Variants in FGF2 observed in about 807,000 individuals in gnomAD.
FGF2 encodes the protein fibroblast growth factor 2.
A neutral mutation model predicts 15.9 loss-of-function variants in FGF2; 13 were observed. The observed-to-expected ratio is 0.82, with a 90% CI of 0.53 to 1.30. FGF2 has a LOEUF of 1.30. Ranked by LOEUF, FGF2 falls within the 50% of genes most tolerant of loss-of-function variation. FGF2 has a pLI of 0.00. For synonymous variants in FGF2, 90 were observed against 78.4 expected (o/e 1.15, Z -0.78); for missense variants, 163 against 196.9 (o/e 0.83, Z 1.03).
At chr4:122,850,289 A>G (rs1239243026) in intron 1 of FGF2, among the ~76,000 whole-genome samples, 1 of 152,030 alleles carries the variant, frequency 6.6e-6, no homozygotes, top group Non-Finnish European at 1.5e-5. Context: ...AAAAAGATAC[A>G]GTAAAAGTTG....
chr4:122,826,826 C>A, upstream of FGF2: 3 of 1,464,546 alleles, frequency 2.0e-6, no homozygotes, highest in Non-Finnish European at 9.1e-7. Context: ...CGCGGCCCGG[C>A]GGGTGCCAGA....
intron 2 of FGF2, chr4:122,882,445 GTTGATTCTGT>G (rs1203996992): frequency 6.6e-6 from 1 of 152,178 alleles, no homozygotes; most frequent in Non-Finnish European, 1.5e-5. Context: ...TTCCCAAACT[GTTGATTCTGT>G]ACCATCAGAA....
At chr4:122,834,887 T>A (rs1417488056) in intron 1 of FGF2, among the ~76,000 whole-genome samples, 1 of 152,166 alleles carries the variant, frequency 6.6e-6, no homozygotes, top group Non-Finnish European at 1.5e-5. Flanking sequence ...AGATTGCCAC[T>A]AGTGCACCAA....
At chr4:122,830,889 G>T (rs890216419) in intron 1 of FGF2, among the ~76,000 whole-genome samples, 1 of 150,780 alleles carries the variant, frequency 6.6e-6, no homozygotes, top group African/African-American at 2.4e-5. Context: ...CTCCCAGGAG[G>T]TGACTGCCTG....
rs1339043418 is a variant in FGF2 at position 122,893,064 on chromosome 4, A to C, written c.*668A>C. Reference sequence around the variant, plus strand: ...TCACATCTTAAGCATTCTTCCTGGCAAAAATTTATGGTGAATGAATATGGC... The same window carrying C: ...TCACATCTTAAGCATTCTTCCTGGCCAAAATTTATGGTGAATGAATATGGC... On this transcript the variant is annotated 3_prime_UTR_variant, in exon 3 of 3. Transcript: ENST00000644866. The C allele has an allele frequency of 6.2e-7, 1 of 1,614,152 alleles. No homozygotes were observed. The highest frequency in any genetic ancestry group is 1.1e-5 in the South Asian group (1 of 91,086).
intron 1 of FGF2, among the ~76,000 whole-genome samples, chr4:122,835,715 G>A (rs893419348): frequency 6.6e-6 from 1 of 151,916 alleles, no homozygotes; most frequent in Admixed American, 6.6e-5. Context: ...TTGATTTAAT[G>A]ACCTCTACTC....
Position 122,893,252 on chromosome 4 carries a change from CAAT to C in FGF2, c.*863_*865del, listed in dbSNP as rs1727245494. The C allele has an allele frequency of 2.6e-6, 4 of 1,551,420 alleles. No homozygotes were observed. The highest frequency in any genetic ancestry group is 3.5e-6 in the Non-Finnish European group (4 of 1,150,824). The stretch of plus-strand genomic sequence containing the variant: ...TACGTAAAAAAAGAGATGTACAAAT[CAAT>C]AATAATTACACTTTTAGAAACTGTA... On this transcript the variant is annotated 3_prime_UTR_variant, in exon 3 of 3. Transcript: ENST00000644866.
intron 1 of FGF2, among the ~76,000 whole-genome samples, chr4:122,856,944 G>A (rs1048055829): frequency 2.0e-5 from 3 of 152,116 alleles, no homozygotes; most frequent in Non-Finnish European, 4.4e-5. Flanking sequence ...CCAACAGCTG[G>A]CCCCTGAGAA....
At position 122,892,552 on chromosome 4, in the gene FGF2, C is replaced by T; in HGVS notation, c.*156C>T. ...GTAGTAAAATATGTAACCATTGTCC[C>T]AGTAAAGAAAAATAACAAAAGTTGT... On this transcript the variant is annotated 3_prime_UTR_variant, in exon 3 of 3. Coordinates refer to ENST00000644866, the MANE Select transcript of FGF2 (RefSeq NM_001361665.2). The T allele has an allele frequency of 3.4e-6, 5 of 1,464,862 alleles. No individual in the cohort carries two copies. The highest frequency in any genetic ancestry group is 4.5e-6 in the Non-Finnish European group (5 of 1,112,496). 90.7% of individuals were successfully genotyped at this position (1,464,862 alleles called of 1,614,324 possible). A position where few individuals can be genotyped will look rare whatever the true frequency, so the allele number is the denominator to read the frequency against.
chr4:122,831,980 C>T (rs1725774165), intron 1 of FGF2, among the ~76,000 whole-genome samples: 1 of 152,172 alleles, frequency 6.6e-6, no homozygotes, highest in Admixed American at 6.5e-5. Flanking sequence ...TACACTGATT[C>T]TGAGAACTCA....
intron 1 of FGF2, among the ~76,000 whole-genome samples, chr4:122,831,866 A>G (rs1232486794): frequency 1.3e-5 from 2 of 152,252 alleles, no homozygotes; most frequent in Non-Finnish European, 2.9e-5. Context: ...GTGGAAGGAC[A>G]TAATTTTAAA....
chr4:122,897,486 G>C lies in FGF2; in HGVS notation c.*5090G>C, dbSNP rs1004560832. On this transcript the variant is annotated 3_prime_UTR_variant, in exon 3 of 3. Coordinates refer to ENST00000644866, the MANE Select transcript of FGF2 (RefSeq NM_001361665.2). ...ATGCTGCTAATTATATCAGCTCTGA[G>C]GTAATTTCTGAAATGTTCAGACTCA... 1.5e-6 allele frequency: 1 copy of C among 678,328 alleles called. No individual in the cohort carries two copies. The highest frequency in any genetic ancestry group is 2.7e-6 in the Non-Finnish European group (1 of 376,358). The allele number at this position is 678,328 out of a possible 1,614,324, so 42.0% of individuals were successfully genotyped here.
rs1349331463 is a variant in FGF2 at position 122,826,982 on chromosome 4, G to C, written c.-193G>C. ...GCTCGCCGCGCACCAGGGGCCGGCG[G>C]ACAGAAGAGCGGCCGAGCGGCTCGA... On this transcript the variant is annotated 5_prime_UTR_variant, in exon 1 of 3. Transcript: ENST00000644866. 1 of 1,295,256 alleles carries C rather than the reference G, an allele frequency of 7.7e-7. No individual in the cohort carries two copies. Among genetic ancestry groups the C allele is most frequent in the Non-Finnish European group, 9.8e-7 (1 of 1,020,584 alleles). 80.2% of individuals were successfully genotyped at this position (1,295,256 alleles called of 1,614,324 possible).
chr4:122,828,561 A>T (rs1372172607), intron 1 of FGF2, among the ~76,000 whole-genome samples: 1 of 152,146 alleles, frequency 6.6e-6, no homozygotes, highest in Admixed American at 6.5e-5. Context: ...TGGGATGCTA[A>T]TGGGATGTCA....
intron 2 of FGF2, among the ~76,000 whole-genome samples, chr4:122,885,913 CTTTTT>C (rs11310783): frequency 1.2e-4 from 10 of 84,518 alleles, no homozygotes; most frequent in African/African-American, 4.3e-4. Flanking sequence ...TTTTTTTTTC[CTTTTT>C]TTTTTTTTTT....
chr4:122,835,462 A>T (rs1217039204), intron 1 of FGF2, among the ~76,000 whole-genome samples: 1 of 151,750 alleles, frequency 6.6e-6, no homozygotes, highest in Non-Finnish European at 1.5e-5. Flanking sequence ...TCCCCATCTC[A>T]ATTTCCCACT....
intron 1 of FGF2, among the ~76,000 whole-genome samples, chr4:122,874,402 T>C (rs1726797938): frequency 6.6e-6 from 1 of 152,220 alleles, no homozygotes; most frequent in Admixed American, 6.5e-5. Context: ...TTCACTTGGG[T>C]AACTGTAGGC....
At position 122,892,902 on chromosome 4, in the gene FGF2, A is replaced by G. The variant is rs2150794186; in HGVS notation, c.*506A>G. On this transcript the variant is annotated 3_prime_UTR_variant, in exon 3 of 3. Coordinates refer to ENST00000644866, the MANE Select transcript of FGF2 (RefSeq NM_001361665.2). ...TAGAGTTTATAAAACAGTCCTGTGT[A>G]AACTGCTGGAAGTTCTTCCACAGTC... 6.2e-7 allele frequency: 1 copy of G among 1,614,030 alleles called. No individual in the cohort carries two copies. Among genetic ancestry groups the G allele is most frequent in the South Asian group, 1.1e-5 (1 of 91,078 alleles).
Position 122,892,693 on chromosome 4 carries a change from T to C in FGF2, c.*297T>C, listed in dbSNP as rs1469145733. 2.2e-6 allele frequency: 3 copies of C among 1,362,166 alleles called. No homozygotes were observed. Among genetic ancestry groups the C allele is most frequent in the Non-Finnish European group, 2.9e-6 (3 of 1,028,362 alleles). The allele number at this position is 1,362,166 out of a possible 1,614,324, so 84.4% of individuals were successfully genotyped here. A position where few individuals can be genotyped will look rare whatever the true frequency, so the allele number is the denominator to read the frequency against. ...CGAAAAGAGGCTTTTAAAATGTGCA[T>C]GTTTAGAAACAAAATTTCTTCATGG... On this transcript the variant is annotated 3_prime_UTR_variant, in exon 3 of 3. Transcript: ENST00000644866.
Sources: allele counts gnomAD v4.1 joint callset (sites outside exome capture counted in the v4.1 genomes callset), GRCh38; gene constraint gnomAD v4.1.1; transcripts MANE v1.5; gene names NCBI Gene and HGNC (gene_info 2026-07-23, HGNC 2026-07-21).